PPARGC1A: variants seen among roughly 807,000 people sequenced by gnomAD.
The protein encoded by PPARGC1A is peroxisome proliferator-activated receptor gamma coactivator 1-alpha.
PPARGC1A carries 25 observed loss-of-function variants against 88.7 expected under a neutral mutation model. The ratio of observed to expected loss-of-function variants is 0.28; its 90% CI spans 0.21 to 0.39. PPARGC1A has a LOEUF of 0.39. Among genes scored for constraint, PPARGC1A ranks in the 10% least tolerant of loss-of-function variants. The pLI is 1.00. For missense variants in PPARGC1A, 880 were observed against 968.7 expected (o/e 0.91, Z 1.22); for synonymous variants, 363 against 355.6 (o/e 1.02, Z -0.24).
chr4:24,374,135 TG>T, the PPARGC1A span, among the ~76,000 whole-genome samples: 1 of 152,360 alleles, frequency 6.6e-6, no homozygotes, highest in East Asian at 1.9e-4. Context: ...AACTGCTTCC[TG>T]TGGCCAAAAG....
At chr4:24,348,046 A>G in the PPARGC1A span, among the ~76,000 whole-genome samples, 1 of 152,188 alleles carries the variant, frequency 6.6e-6, no homozygotes, top group Non-Finnish European at 1.5e-5. Flanking sequence ...AAACAACTGT[A>G]TCTTTCTGTC....
chr4:24,327,691 C>T, the PPARGC1A span, among the ~76,000 whole-genome samples: 2 of 152,028 alleles, frequency 1.3e-5, no homozygotes, highest in Non-Finnish European at 2.9e-5. Flanking sequence ...CCATACCGCC[C>T]CTAATCCCGC....
chr4:24,147,787 A>G, the PPARGC1A span, among the ~76,000 whole-genome samples: 2 of 152,126 alleles, frequency 1.3e-5, no homozygotes, highest in African/African-American at 4.8e-5. Flanking sequence ...TCTCTACTAA[A>G]ATACAAAAAA....
the PPARGC1A span, among the ~76,000 whole-genome samples, chr4:24,126,267 C>CCCCACACACACACA: frequency 6.8e-6 from 1 of 146,542 alleles, no homozygotes; most frequent in East Asian, 2.0e-4. Flanking sequence ...TGGCTTCTCA[C>CCCCACACACACACA]CACACACACA....
chr4:24,259,076 C>G, the PPARGC1A span, among the ~76,000 whole-genome samples: 1 of 152,134 alleles, frequency 6.6e-6, no homozygotes, highest in Non-Finnish European at 1.5e-5. Context: ...CCTGGCAAGT[C>G]ATAGACACCA....
chr4:23,898,281 C>T (rs1274206524), intron 1 of PPARGC1A, among the ~76,000 whole-genome samples: 2 of 152,208 alleles, frequency 1.3e-5, no homozygotes, highest in Non-Finnish European at 2.9e-5. Context: ...GACCATATCA[C>T]AGGATAGCGT....
At chr4:24,057,191 G>A in the PPARGC1A span, among the ~76,000 whole-genome samples, 1 of 152,290 alleles carries the variant, frequency 6.6e-6, no homozygotes, top group Non-Finnish European at 1.5e-5. Flanking sequence ...AGTGAAATAA[G>A]TGAATCTCAA....
chr4:23,842,893 TTCTC>T (rs778720074), intron 2 of PPARGC1A, among the ~76,000 whole-genome samples: 36 of 152,288 alleles, frequency 2.4e-4, no homozygotes, highest in Non-Finnish European at 3.7e-4. Flanking sequence ...GCTAGATTTA[TTCTC>T]TCTAACACAT....
the PPARGC1A span, among the ~76,000 whole-genome samples, chr4:24,387,921 A>AGAAG: frequency 7.8e-5 from 1 of 12,774 alleles, no homozygotes; most frequent in Non-Finnish European, 3.3e-4. Context: ...AAAGAAAGAA[A>AGAAG]GAAAGAAAGA....
the PPARGC1A span, among the ~76,000 whole-genome samples, chr4:24,122,415 GCATATA>G: frequency 1.6e-3 from 188 of 114,468 alleles, 1 homozygote; most frequent in East Asian, 0.021. Context: ...GTGTGTGTGT[GCATATA>G]TATATATATA....
the PPARGC1A span, among the ~76,000 whole-genome samples, chr4:24,410,112 C>T: frequency 6.6e-6 from 1 of 152,152 alleles, no homozygotes; most frequent in African/African-American, 2.4e-5. Context: ...AAGCAGATTC[C>T]TCCATTAACT....
At chr4:24,004,143 C>T in the PPARGC1A span, among the ~76,000 whole-genome samples, 16 of 152,132 alleles carry the variant, frequency 1.1e-4, no homozygotes, top group African/African-American at 3.4e-4. Flanking sequence ...TTGGAATTCA[C>T]GCCATCTGTG....
At chr4:23,921,465 C>T in the PPARGC1A span, among the ~76,000 whole-genome samples, 2 of 152,246 alleles carry the variant, frequency 1.3e-5, 1 homozygote, top group Admixed American at 1.3e-4. Flanking sequence ...TTCGGTTTGG[C>T]TGCCCTTACG....
At chr4:24,393,463 C>T in the PPARGC1A span, among the ~76,000 whole-genome samples, 2 of 152,280 alleles carry the variant, frequency 1.3e-5, no homozygotes, top group African/African-American at 2.4e-5. Context: ...ACATAACATA[C>T]GCACCCTTGC....
chr4:24,091,928 T>TACACACACACAC, the PPARGC1A span, among the ~76,000 whole-genome samples: 930 of 147,824 alleles, frequency 6.3e-3, 4 homozygotes, highest in African/African-American at 0.015. Flanking sequence ...CTTGCCCCAA[T>TACACACACACAC]ACACACACAC....
the PPARGC1A span, among the ~76,000 whole-genome samples, chr4:24,065,078 G>A: frequency 6.6e-6 from 1 of 152,170 alleles, no homozygotes; most frequent in South Asian, 2.1e-4. Flanking sequence ...CCATGGAGAA[G>A]ACACCATAGG....
intron 2 of PPARGC1A, among the ~76,000 whole-genome samples, chr4:23,840,314 C>T (rs73802994): frequency 6.6e-6 from 1 of 152,052 alleles, no homozygotes; most frequent in African/African-American, 2.4e-5. Flanking sequence ...TACACTTGGC[C>T]AACTTCATCT....
At chr4:24,080,826 C>T in the PPARGC1A span, among the ~76,000 whole-genome samples, 3 of 152,076 alleles carry the variant, frequency 2.0e-5, no homozygotes, top group African/African-American at 7.2e-5. Flanking sequence ...TTCAACGCCA[C>T]ATTGATTTGA....
the PPARGC1A span, among the ~76,000 whole-genome samples, chr4:24,174,770 A>T: frequency 6.6e-6 from 1 of 151,638 alleles, no homozygotes; most frequent in Non-Finnish European, 1.5e-5. Flanking sequence ...TCTATCAACA[A>T]CTCCACAGCC....
Sources: gnomAD v4.1 joint callset for allele counts (sites outside exome capture counted in the v4.1 genomes callset) on GRCh38, gnomAD v4.1.1 for gene constraint, MANE v1.5 for transcripts, NCBI Gene and HGNC (gene_info 2026-07-23, HGNC 2026-07-21) for gene names.